The following MAP2K1 variants were observed in gnomAD, a reference collection of about 807,000 sequenced individuals.
The protein encoded by MAP2K1 is dual specificity mitogen-activated protein kinase kinase 1.
A neutral mutation model predicts 46.3 loss-of-function variants in MAP2K1; 16 were observed. That is an observed-to-expected ratio of 0.35 (90% CI 0.23 to 0.52). MAP2K1 has a LOEUF of 0.52. Ranked by LOEUF, MAP2K1 falls within the 20% of genes least tolerant of loss-of-function variation. MAP2K1 has a pLI of 0.94. For synonymous variants in MAP2K1, 183 were observed against 185.6 expected (o/e 0.99, Z 0.11); for missense variants, 263 against 497.1 (o/e 0.53, Z 4.48).
At chr15:66,462,627 A>G (rs1183089593) in intron 5 of MAP2K1, among the ~76,000 whole-genome samples, 2 of 152,178 alleles carry the variant, frequency 1.3e-5, no homozygotes, top group East Asian at 3.8e-4. Context: ...GGCTAAAAGA[A>G]AATAGCATAT....
chr15:66,452,299 A>AAG (rs1555417517), intron 5 of MAP2K1, among the ~76,000 whole-genome samples: 27 of 44,314 alleles, frequency 6.1e-4, no homozygotes, highest in African/African-American at 2.2e-3. Flanking sequence ...AAAAAAAAAA[A>AAG]AAAAGAAAAA....
chr15:66,467,748 A>G (rs1270236163), intron 5 of MAP2K1, among the ~76,000 whole-genome samples: 2 of 152,110 alleles, frequency 1.3e-5, no homozygotes, highest in African/African-American at 4.8e-5. Flanking sequence ...TTTAGTAGAG[A>G]TGGGGTTTTA....
At chr15:66,387,932 C>T (rs2093346288) in intron 1 of MAP2K1, among the ~76,000 whole-genome samples, 1 of 152,146 alleles carries the variant, frequency 6.6e-6, no homozygotes, top group African/African-American at 2.4e-5. Flanking sequence ...GCCTGGCCAG[C>T]GGGGGCGTGC....
chr15:66,475,235 C>T (rs1199915860), intron 5 of MAP2K1, among the ~76,000 whole-genome samples: 1 of 152,208 alleles, frequency 6.6e-6, no homozygotes, highest in African/African-American at 2.4e-5. Flanking sequence ...GGTCAGCTCC[C>T]TTTCTCTCTG....
intron 1 of MAP2K1, among the ~76,000 whole-genome samples, chr15:66,431,546 C>T (rs1358303238): frequency 6.6e-6 from 1 of 152,220 alleles, no homozygotes; most frequent in Non-Finnish European, 1.5e-5. Flanking sequence ...CTTTTCTCCA[C>T]TTCCACTCCT....
At chr15:66,433,715 A>C (rs1395588077) in intron 1 of MAP2K1, among the ~76,000 whole-genome samples, 1 of 152,126 alleles carries the variant, frequency 6.6e-6, no homozygotes, top group Non-Finnish European at 1.5e-5. Context: ...TGTTGGCAGG[A>C]ACACCAACAT....
intron 1 of MAP2K1, among the ~76,000 whole-genome samples, chr15:66,402,172 A>G (rs930093004): frequency 6.6e-6 from 1 of 152,210 alleles, no homozygotes; most frequent in African/African-American, 2.4e-5. Flanking sequence ...TTGACTGGGC[A>G]TTATGTATAG....
chr15:66,461,761 G>A (rs894353205), intron 5 of MAP2K1, among the ~76,000 whole-genome samples: 7 of 152,202 alleles, frequency 4.6e-5, no homozygotes, highest in Admixed American at 1.3e-4. Flanking sequence ...AGTGACCTCC[G>A]AGCCACTGTG....
At chr15:66,429,680 T>TCCCCC (rs1567007438) in intron 1 of MAP2K1, among the ~76,000 whole-genome samples, 8 of 31,928 alleles carry the variant, frequency 2.5e-4, no homozygotes, top group African/African-American at 5.5e-4. Context: ...CCCCCCCCCG[T>TCCCCC]CCCCCCCAAC....
At chr15:66,478,589 C>G (rs918949607) in intron 5 of MAP2K1, among the ~76,000 whole-genome samples, 11 of 151,036 alleles carry the variant, frequency 7.3e-5, no homozygotes, top group Admixed American at 1.3e-4. Context: ...ACTTCTACCT[C>G]CCGGGTTCAA....
intron 3 of MAP2K1, among the ~76,000 whole-genome samples, chr15:66,438,805 T>C (rs1371575335): frequency 6.6e-6 from 1 of 152,070 alleles, no homozygotes; most frequent in Non-Finnish European, 1.5e-5. Context: ...ATGTGTTGAG[T>C]GACTGAATGA....
chr15:66,489,801 T>G, intron 10 of MAP2K1, 38 bp downstream of exon 10: 1 of 1,532,482 alleles, frequency 6.5e-7, no homozygotes, highest in Non-Finnish European at 9.0e-7. Context: ...AGTACCTGTT[T>G]ATTCATTTGT....
intron 5 of MAP2K1, among the ~76,000 whole-genome samples, chr15:66,476,977 G>T (rs373028572): frequency 4.6e-5 from 7 of 152,356 alleles, no homozygotes; most frequent in Admixed American, 2.0e-4. Flanking sequence ...GGCTCCAGCA[G>T]CATGCTCTGG....
chr15:66,461,382 C>A (rs1892315056), intron 5 of MAP2K1, among the ~76,000 whole-genome samples: 1 of 151,856 alleles, frequency 6.6e-6, no homozygotes, highest in Non-Finnish European at 1.5e-5. Context: ...CAGGCTTAGG[C>A]ACGAGACTTG....
At chr15:66,478,400 GTA>G (rs373049432) in intron 5 of MAP2K1, among the ~76,000 whole-genome samples, 5,942 of 108,876 alleles carry the variant, frequency 0.055, 203 homozygotes, top group Non-Finnish European at 0.077. Flanking sequence ...ATATGTGTGT[GTA>G]TATATATATA....
intron 3 of MAP2K1, among the ~76,000 whole-genome samples, chr15:66,441,827 A>G (rs2093504780): frequency 6.6e-6 from 1 of 152,064 alleles, no homozygotes; most frequent in African/African-American, 2.4e-5. Context: ...TAACTGCTCA[A>G]TATAGACAGG....
At chr15:66,443,513 T>C (rs1891775945) in intron 4 of MAP2K1, among the ~76,000 whole-genome samples, 156 bp downstream of exon 4, 1 of 152,172 alleles carries the variant, frequency 6.6e-6, no homozygotes, top group Admixed American at 6.6e-5. Flanking sequence ...CTGGAGTCTA[T>C]ATACACTATT....
chr15:66,459,213 T>C (rs1892249457), intron 5 of MAP2K1, among the ~76,000 whole-genome samples: 1 of 150,270 alleles, frequency 6.7e-6, no homozygotes, highest in Non-Finnish European at 1.5e-5. Flanking sequence ...CTTGGGAGGC[T>C]GAGGCAGGAG....
At chr15:66,400,257 C>T (rs1352375489) in intron 1 of MAP2K1, among the ~76,000 whole-genome samples, 1 of 151,876 alleles carries the variant, frequency 6.6e-6, no homozygotes, top group Non-Finnish European at 1.5e-5. Context: ...CTCTTTGGCT[C>T]AAGCGATCCA....
Sources: allele counts gnomAD v4.1 joint callset (sites outside exome capture counted in the v4.1 genomes callset), GRCh38; gene constraint gnomAD v4.1.1; transcripts MANE v1.5; gene names NCBI Gene and HGNC (gene_info 2026-07-23, HGNC 2026-07-21).